HTR3A: variants seen among roughly 807,000 people sequenced by gnomAD.
The protein encoded by HTR3A is 5-hydroxytryptamine (serotonin) receptor 3A, ionotropic.
Under a neutral mutation model 54.8 loss-of-function variants are expected in HTR3A, and 45 were observed. The ratio of observed to expected loss-of-function variants is 0.82; its 90% confidence interval spans 0.65 to 1.05. HTR3A has a LOEUF of 1.05. HTR3A is among the 50% of genes least tolerant of loss of function. The pLI, the probability that HTR3A is intolerant of heterozygous loss-of-function variation, is 0.00. For synonymous variants in HTR3A, 297 were observed against 256.0 expected (o/e 1.16, Z -1.53); for missense variants, 657 against 614.0 (o/e 1.07, Z -0.74).
chr11:113,980,994 G>T, intron 3 of HTR3A: 1 of 573,166 alleles, frequency 1.7e-6, no homozygotes, highest in South Asian at 2.0e-5. Flanking sequence ...ACATCTAGCC[G>T]AGTTGTTATG....
intron 8 of HTR3A, among the ~76,000 whole-genome samples, chr11:113,987,258 G>A (rs190817207): frequency 1.4e-3 from 208 of 152,316 alleles, no homozygotes; most frequent in African/African-American, 4.5e-3. Context: ...CTTGGGTGTT[G>A]ACAGAGAGGG....
chr11:113,978,005 G>A, intron 2 of HTR3A, 83 bp downstream of exon 2: 1 of 1,513,586 alleles, frequency 6.6e-7, no homozygotes, highest in Non-Finnish European at 9.2e-7. Context: ...CCCCTATGCA[G>A]CTTGTTAGGC....
chr11:113,980,441 C>T (rs1950407650), intron 3 of HTR3A, among the ~76,000 whole-genome samples: 1 of 152,220 alleles, frequency 6.6e-6, no homozygotes, highest in Admixed American at 6.5e-5. Context: ...CGCATGTCAC[C>T]CAGCCTGGGG....
At chr11:113,986,409 C>A (rs990161559) in intron 6 of HTR3A, 109 bp from the exon 7 acceptor site, 6 of 1,317,732 alleles carry the variant, frequency 4.6e-6, no homozygotes, top group Non-Finnish European at 6.4e-6. Context: ...CTTCTCTGAG[C>A]AATCCAGGCT....
In HTR3A at chr11:113,989,193, C is replaced by T. The variant is rs1383919137; in HGVS notation, c.1139-272C>T. 1.7e-5 allele frequency among the ~76,000 whole-genome samples: 1 copy of T among 60,292 alleles called. No individual in the cohort carries two copies. Among genetic ancestry groups the T allele is most frequent in the Non-Finnish European group, 3.6e-5 (1 of 27,456 alleles). The allele number at this position is 60,292 out of a possible 152,430, so 39.6% of individuals were successfully genotyped here. On this transcript the variant is annotated intron_variant, in intron 8 of 8. Transcript: ENST00000504030. This position sits in a 1 kb window ranked among gnomAD's most constrained non-coding sequence, Gnocchi z 4.4. Reference sequence around the variant, plus strand: ...TGGCCAACGTGGTGAAATCCAGTTTCTATTGAAAAAAAAAAAAAAATTAGC... The same window carrying T: ...TGGCCAACGTGGTGAAATCCAGTTTTTATTGAAAAAAAAAAAAAAATTAGC...
intron 3 of HTR3A, among the ~76,000 whole-genome samples, chr11:113,979,954 C>A (rs955728257): frequency 5.3e-5 from 8 of 152,168 alleles, no homozygotes; most frequent in African/African-American, 1.9e-4. Flanking sequence ...GCTCTGGGGA[C>A]ATGCTTGGCA....
In HTR3A at chr11:113,986,524, A is replaced by G. The variant is rs761067976; in HGVS notation, c.712A>G (p.Ile238Val). The change falls in exon 7 of 9, where the codon ATC (isoleucine) becomes GTC (valine). Residue 238 changes from isoleucine (I) to valine (V), a missense_variant. By Grantham distance (29) the Ile-to-Val change is conservative. Transcript: ENST00000504030. ...YYAEMKFYVVIRRRPLFYVVS... is the reference protein window; with the variant it reads ...YYAEMKFYVVVRRRPLFYVVS... ...AGCTCTTCTCCGGTCCCAGGTGGTCATCCGCCGGCGGCCCCTCTTCTATGT... is the reference window on the plus strand; with the variant it reads ...AGCTCTTCTCCGGTCCCAGGTGGTCGTCCGCCGGCGGCCCCTCTTCTATGT... 4 of 1,612,348 alleles carry G rather than the reference A, an allele frequency of 2.5e-6. No individual in the cohort carries two copies. Among genetic ancestry groups the G allele is most frequent in the South Asian group, 1.1e-5 (1 of 91,078 alleles).
Position 113,989,999 on chromosome 11 carries a change from C to A in HTR3A, c.*236C>A. 1 of 677,656 alleles carries A rather than the reference C, an allele frequency of 1.5e-6. No homozygotes were observed. The highest frequency in any genetic ancestry group is 2.0e-5 in the Admixed American group (1 of 49,190). The allele number at this position is 677,656 out of a possible 1,614,324, so 42.0% of individuals were successfully genotyped here. A position where few individuals can be genotyped will look rare whatever the true frequency, so the allele number is the denominator to read the frequency against. On this transcript the variant is annotated 3_prime_UTR_variant, in exon 9 of 9. Coordinates refer to ENST00000504030, the MANE Select transcript of HTR3A (RefSeq NM_000869.6). The surrounding 1 kb of genome is among the most constrained non-coding windows in gnomAD (Gnocchi z 4.4). ...CACCCTTGTCCCACCCCCAGCAGCTCACCATGGCTTTAAAACATGCTGTCT... is the reference window on the plus strand; with the variant it reads ...CACCCTTGTCCCACCCCCAGCAGCTAACCATGGCTTTAAAACATGCTGTCT...
At chr11:113,984,497 C>T (rs1322138191) in intron 5 of HTR3A, among the ~76,000 whole-genome samples, 1 of 152,152 alleles carries the variant, frequency 6.6e-6, no homozygotes, top group Non-Finnish European at 1.5e-5. Context: ...TGATTTCTCG[C>T]CCACCTTTAG....
In HTR3A at chr11:113,986,093, A is replaced by G. The variant is rs1189081814; in HGVS notation, c.623A>G (p.Glu208Gly). 4 of 1,614,126 alleles carry G rather than the reference A, an allele frequency of 2.5e-6. No individual in the cohort carries two copies. Among genetic ancestry groups the G allele is most frequent in the Non-Finnish European group, 2.5e-6 (3 of 1,180,014 alleles). The stretch of plus-strand genomic sequence containing the variant: ...AGGAGTGTCTTCATGAACCAGGGAG[A>G]GTGGGAGTTGCTGGGGGTGCTGCCC... ...SDRSVFMNQG[E>G]WELLGVLPYF... The change falls in exon 6 of 9, where the codon GAG becomes GGG. Residue 208 changes from glutamate (E) to glycine (G), a missense_variant. Glu to Gly is a moderately conservative substitution (Grantham distance 98). Transcript: ENST00000504030.
At chr11:113,978,983 A>G (rs1455564799) in intron 2 of HTR3A, among the ~76,000 whole-genome samples, 1 of 152,122 alleles carries the variant, frequency 6.6e-6, no homozygotes, top group Non-Finnish European at 1.5e-5. Context: ...AGCAAGCAAG[A>G]CTGTCTCAAA....
intron 8 of HTR3A, among the ~76,000 whole-genome samples, chr11:113,988,979 G>T (rs1202596741): frequency 6.6e-6 from 1 of 152,156 alleles, no homozygotes; most frequent in African/African-American, 2.4e-5. Flanking sequence ...AGGGGTATAC[G>T]AGGATCCTCA....
At position 113,990,159 on chromosome 11, in the gene HTR3A, C is replaced by T. The variant is rs892339705; in HGVS notation, c.*396C>T. ...TTTGCTTTTAGGTTGAAGGCAAAAC[C>T]AACTCTCTACTACACAGGCCTGATA... On this transcript the variant is annotated 3_prime_UTR_variant, in exon 9 of 9. Transcript: ENST00000504030. 1 of 461,162 alleles carries T rather than the reference C, an allele frequency of 2.2e-6. No homozygotes were observed. The allele number at this position is 461,162 out of a possible 1,614,324, so 28.6% of individuals were successfully genotyped here.
At chr11:113,980,999 G>C in intron 3 of HTR3A, 1 of 584,528 alleles carries the variant, frequency 1.7e-6, no homozygotes, top group South Asian at 1.9e-5. Context: ...TAGCCGAGTT[G>C]TTATGTGTGG....
chr11:113,986,547 T>C lies in HTR3A; in HGVS notation c.735T>C (p.Tyr245=). 6.2e-7 allele frequency: 1 copy of C among 1,613,016 alleles called. No homozygotes were observed. Among genetic ancestry groups the C allele is most frequent in the African/African-American group, 1.3e-5 (1 of 75,046 alleles). The change falls in exon 7 of 9, where the codon TAT becomes TAC. Residue 245 remains tyrosine, a synonymous_variant. Coordinates refer to ENST00000504030, the MANE Select transcript of HTR3A (RefSeq NM_000869.6). The part of the protein sequence containing the change: ...YVVIRRRPLF[Y]VVSLLLPSIF... ...TCATCCGCCGGCGGCCCCTCTTCTA[T>C]GTGGTCAGCCTGCTACTGCCCAGCA...
intron 5 of HTR3A, 135 bp downstream of exon 5, chr11:113,983,424 C>T: frequency 1.1e-6 from 1 of 884,290 alleles, no homozygotes; most frequent in Non-Finnish European, 1.9e-6. Context: ...TCCTCATCCT[C>T]TGCATGAGGT....
chr11:113,975,378 T>C lies in HTR3A; in HGVS notation c.53T>C (p.Leu18Pro), dbSNP rs763490117. 1.9e-6 allele frequency: 3 copies of C among 1,612,516 alleles called. No homozygotes were observed. Among genetic ancestry groups the C allele is most frequent in the Non-Finnish European group, 2.5e-6 (3 of 1,179,976 alleles). ...CTCGCCTTGCTCCTCCCCACACTCC[T>C]GGCACAGGGAGAAGGTAAGCAGACT... ...ALLALLLPTL[L>P]AQGEARRSRN... The change falls in exon 1 of 9, where the codon CTG (leucine) becomes CCG (proline). Residue 18 changes from leucine (L) to proline (P), a missense_variant. Transcript: ENST00000504030.
Position 113,987,039 on chromosome 11 carries a change from C to A in HTR3A, c.1131C>A (p.Asp377Glu). The change falls in exon 8 of 9, where the codon GAC becomes GAA. Residue 377 changes from aspartate to glutamate, a missense_variant. Asp to Glu is a conservative substitution (Grantham distance 45). Transcript: ENST00000504030. ...CCTCCCAAGCCACCAAGACTGATGA[C>A]TGCTCAGGTGAGAAACAGAAGGGAA... The part of the protein sequence containing the change: ...PATSQATKTD[D>E]CSAMGNHCSH... 6.2e-7 allele frequency: 1 copy of A among 1,613,508 alleles called. No individual in the cohort carries two copies. The highest frequency in any genetic ancestry group is 2.2e-5 in the East Asian group (1 of 44,866).
chr11:113,983,106 T>A lies in HTR3A; in HGVS notation c.375-14T>A. Reference sequence around the variant, plus strand: ...TCTCTTGAGCTCCCAAACTAACCCCTTTTCCCCCGCCAGCGTGGATGTGGG... The same window carrying A: ...TCTCTTGAGCTCCCAAACTAACCCCATTTCCCCCGCCAGCGTGGATGTGGG... On this transcript the variant is annotated splice_polypyrimidine_tract_variant and intron_variant, in intron 4 of 8. Coordinates refer to ENST00000504030, the MANE Select transcript of HTR3A (RefSeq NM_000869.6). The A allele has an allele frequency of 6.2e-7, 1 of 1,613,740 alleles. No homozygotes were observed. Among genetic ancestry groups the A allele is most frequent in the Non-Finnish European group, 8.5e-7 (1 of 1,179,714 alleles).
Sources: allele counts gnomAD v4.1 joint callset (sites outside exome capture counted in the v4.1 genomes callset), GRCh38; gene constraint gnomAD v4.1.1; non-coding constraint Gnocchi (gnomAD v3.1); transcripts MANE v1.5; gene names NCBI Gene and HGNC (gene_info 2026-07-23, HGNC 2026-07-21).